The following FAT1 variants were observed in gnomAD, a reference collection of about 807,000 sequenced individuals.
FAT1 encodes FAT atypical cadherin 1.
In FAT1, 171 loss-of-function variants were observed where a neutral mutation model predicts 329.8. That is an observed-to-expected ratio of 0.52 (90% CI 0.46 to 0.59). The LOEUF (loss-of-function observed/expected upper bound fraction) is 0.59, where lower values mean the gene tolerates loss of function less well. FAT1 is among the 20% of genes least tolerant of loss of function. The probability of loss-of-function intolerance (pLI) is 0.00; values close to 1 mark genes in which losing one functional copy is unlikely to be tolerated. For missense variants in FAT1, 5,672 were observed against 5,774.4 expected, an observed-to-expected ratio of 0.98 and a Z score of 0.57; for synonymous variants, 2,233 against 2,228.6, an observed-to-expected ratio of 1.00 and a Z score of -0.06.
rs1301920892 is a variant in FAT1 at position 186,707,027 on chromosome 4, A to C, written c.2801T>G (p.Val934Gly). ...PPTFIPPNYR[V>G]KVREDLPEGT... ...TTCTGGAAGATCCTCTCGGACTTTCACACGATAATTAGGTGGAATAAATGT... is the reference window on the plus strand; with the variant it reads ...TTCTGGAAGATCCTCTCGGACTTTCCCACGATAATTAGGTGGAATAAATGT... The change falls in exon 2 of 27, where the codon GTG becomes GGG. Residue 934 changes from valine (V) to glycine (G), a missense_variant. By Grantham distance (109) the Val-to-Gly change is moderately radical. Coordinates refer to ENST00000441802, the MANE Select transcript of FAT1 (RefSeq NM_005245.4). 6.2e-7 allele frequency: 1 copy of C among 1,613,924 alleles called. No homozygotes were observed. The highest frequency in any genetic ancestry group is 1.1e-5 in the South Asian group (1 of 91,068).
chr4:186,707,048 A>G lies in FAT1; in HGVS notation c.2780T>C (p.Phe927Ser), dbSNP rs2126685137. The change falls in exon 2 of 27, where the codon TTT (phenylalanine) becomes TCT (serine). Residue 927 changes from phenylalanine (F) to serine (S), a missense_variant. Phe to Ser is a radical substitution (Grantham distance 155). Transcript: ENST00000441802. ...TTTCACACGATAATTAGGTGGAATA[A>G]ATGTAGGTGGGTTGTCATTAACATC... is the stretch of plus-strand genomic sequence containing the variant. ...LEDVNDNPPT[F>S]IPPNYRVKVR... The G allele has an allele frequency of 6.2e-7, 1 of 1,613,932 alleles. No homozygotes were observed. The highest frequency in any genetic ancestry group is 8.5e-7 in the Non-Finnish European group (1 of 1,179,882).
chr4:186,647,154 T>C (rs1741422370), intron 3 of FAT1, among the ~76,000 whole-genome samples: 2 of 152,142 alleles, frequency 1.3e-5, no homozygotes. Flanking sequence ...CTCAAAGGCA[T>C]ACAATTTATT....
At position 186,600,201 on chromosome 4, in the gene FAT1, A is replaced by C. The variant is rs746123330; in HGVS notation, c.11800T>G (p.Ser3934Ala). The change falls in exon 22 of 27, where the codon TCG becomes GCG. Residue 3934 changes from serine (S) to alanine (A), a missense_variant. Physicochemically the swap from Ser to Ala is moderately conservative, Grantham distance 99 (BLOSUM62 1). Around this residue, in one of 2 missense-constraint regions of FAT1, gnomAD observed 1,706 missense variants for 1,859.1 expected, o/e 0.92. Coordinates refer to ENST00000441802, the MANE Select transcript of FAT1 (RefSeq NM_005245.4). ...TTCAGAGTCCCTGGGGCTGTGCCCG[A>C]TGCAGTATGAACTTGGTCTAGAACC... is the stretch of plus-strand genomic sequence containing the variant. ...RLVLDQVHTASGTAPGTLKTL... is the reference protein window; with the variant it reads ...RLVLDQVHTAAGTAPGTLKTL... 4 of 1,613,956 alleles carry C rather than the reference A, an allele frequency of 2.5e-6. No homozygotes were observed. Among genetic ancestry groups the C allele is most frequent in the Admixed American group, 3.3e-5 (2 of 60,002 alleles).
In FAT1 at chr4:186,619,119, A is replaced by C; in HGVS notation, c.7467T>G (p.Ser2489Arg). The C allele has an allele frequency of 6.2e-7, 1 of 1,613,998 alleles. No homozygotes were observed. The highest frequency in any genetic ancestry group is 8.5e-7 in the Non-Finnish European group (1 of 1,179,894). ...HVTVIGGNLH[S>R]PAFLQNEYEV... is the part of the protein sequence containing the mutation. The stretch of plus-strand genomic sequence containing the variant: ...CATATTCGTTCTGAAGGAAAGCAGG[A>C]CTGTGCAAATTGCCTCCAATTACAG... Residue 2489 changes from serine (S) to arginine (R), a missense_variant, in exon 10 of 27, where the codon AGT becomes AGG. By Grantham distance (110) the Ser-to-Arg change is moderately radical (BLOSUM62 -1). Coordinates refer to ENST00000441802, the MANE Select transcript of FAT1 (RefSeq NM_005245.4).
intron 23 of FAT1, 38 bp downstream of exon 23, chr4:186,597,934 C>G (rs1485689488): frequency 6.3e-7 from 1 of 1,585,530 alleles, no homozygotes. Context: ...GAATTTTATA[C>G]TACAATTGAT....
chr4:186,609,509 T>C (rs1475556424), intron 15 of FAT1, among the ~76,000 whole-genome samples, 189 bp from the exon 16 acceptor site: 1 of 152,090 alleles, frequency 6.6e-6, no homozygotes, highest in Non-Finnish European at 1.5e-5. Flanking sequence ...CTCCGCCTCC[T>C]GGGTTCACAC....
Position 186,613,283 on chromosome 4 carries a change from C to A in FAT1, c.9289G>T (p.Val3097Phe), listed in dbSNP as rs768112959. 1 of 1,613,948 alleles carries A rather than the reference C, an allele frequency of 6.2e-7. No individual in the cohort carries two copies. Among genetic ancestry groups the A allele is most frequent in the African/African-American group, 1.3e-5 (1 of 75,012 alleles). ...REEQAVYHLL[V>F]RATDGGGRFC... is the part of the protein sequence containing the mutation. ...CTTCCTCCTCCATCTGTGGCCCTGA[C>A]GAGAAGATGATAAACAGCTTGCTCC... The change falls in exon 13 of 27, where the codon GTC (valine) becomes TTC (phenylalanine). Residue 3097 changes from valine (V) to phenylalanine (F), a missense_variant. Val to Phe is a conservative substitution (Grantham distance 50). Transcript: ENST00000441802.
chr4:186,689,593 T>C (rs1045007021), intron 2 of FAT1, among the ~76,000 whole-genome samples: 1 of 152,238 alleles, frequency 6.6e-6, no homozygotes, highest in African/African-American at 2.4e-5. Context: ...GTAATATTTT[T>C]AAAGCCATGC....
intron 24 of FAT1, 25 bp from the exon 25 acceptor site, chr4:186,597,196 A>G: frequency 1.3e-6 from 2 of 1,573,312 alleles, no homozygotes; most frequent in Non-Finnish European, 1.7e-6. Flanking sequence ...AGGAATGAGG[A>G]GAGACCTCTG....
Position 186,596,773 on chromosome 4 carries a change from T to C in FAT1, c.12767A>G (p.Tyr4256Cys), listed in dbSNP as rs2126389747. 1.2e-6 allele frequency: 2 copies of C among 1,613,958 alleles called. No homozygotes were observed. Among genetic ancestry groups the C allele is most frequent in the Non-Finnish European group, 1.7e-6 (2 of 1,179,878 alleles). ...PPQVPVRPIS[Y>C]TPSIPSDSRN... ...TGAGTCACTTGGAATACTCGGGGTG[T>C]AGGAAATAGGCCGGACAGGCACCTG... Residue 4256 changes from tyrosine to cysteine, a missense_variant, in exon 25 of 27, where the codon TAC (tyrosine) becomes TGC (cysteine). Tyr to Cys is a radical substitution (Grantham distance 194). This residue lies in a region of FAT1 where 1,706 missense variants were observed against 1,859.1 expected (regional missense o/e 0.92). Coordinates refer to ENST00000441802, the MANE Select transcript of FAT1 (RefSeq NM_005245.4). This position sits in a 1 kb window ranked among gnomAD's most constrained non-coding sequence, Gnocchi z 4.7.
intron 8 of FAT1, 62 bp from the exon 9 acceptor site, chr4:186,628,426 A>G: frequency 6.2e-7 from 1 of 1,609,884 alleles, no homozygotes; most frequent in Non-Finnish European, 8.5e-7. Context: ...ATTAAAAATC[A>G]CGCTCGAACA....
chr4:186,619,250 T>C lies in FAT1; in HGVS notation c.7336A>G (p.Ile2446Val), dbSNP rs1739899849. The change falls in exon 10 of 27, where the codon ATT (isoleucine) becomes GTT (valine). Residue 2446 changes from isoleucine to valine, a missense_variant. Physicochemically the swap from Ile to Val is conservative, Grantham distance 29. Coordinates refer to ENST00000441802, the MANE Select transcript of FAT1 (RefSeq NM_005245.4). ...CGGTGCAGGTTTGAGAGGGTGATAATCCCTGTTGCACTGTCAATGACAAAA... is the reference window on the plus strand; with the variant it reads ...CGGTGCAGGTTTGAGAGGGTGATAACCCCTGTTGCACTGTCAATGACAAAA... ...KHFVIDSATG[I>V]ITLSNLHRHA... The C allele has an allele frequency of 6.2e-7, 1 of 1,613,852 alleles. No homozygotes were observed. Among genetic ancestry groups the C allele is most frequent in the Admixed American group, 1.7e-5 (1 of 59,996 alleles).
chr4:186,665,754 C>G (rs959180705), intron 2 of FAT1, among the ~76,000 whole-genome samples: 1 of 151,972 alleles, frequency 6.6e-6, no homozygotes, highest in Non-Finnish European at 1.5e-5. Context: ...TATTGCGGCA[C>G]TATTCACAAT....
At chr4:186,597,906 G>A (rs569242636) in intron 23 of FAT1, 66 bp downstream of exon 23, 3 of 1,569,422 alleles carry the variant, frequency 1.9e-6, no homozygotes, top group Admixed American at 1.8e-5. Context: ...CTTTTTACAT[G>A]TACCATTATA....
chr4:186,639,355 A>G (rs775702929), intron 4 of FAT1, among the ~76,000 whole-genome samples: 4 of 152,218 alleles, frequency 2.6e-5, no homozygotes, highest in Non-Finnish European at 4.4e-5. Context: ...TCTCAAAAAC[A>G]TAATAGTAAG....
rs1229325174 is a variant in FAT1 at position 186,596,067 on chromosome 4, C to G, written c.13001-241G>C. Among the ~76,000 whole-genome samples, 1 of 152,066 alleles carries G rather than the reference C, an allele frequency of 6.6e-6. No individual in the cohort carries two copies. The highest frequency in any genetic ancestry group is 2.4e-5 in the African/African-American group (1 of 41,402). ...AGAGTAGAAATCGCCCATAAGCATG[C>G]CTATGGGTATCATTAGACAGTAAAG... On this transcript the variant is annotated intron_variant, in intron 25 of 26. Transcript: ENST00000441802. The surrounding 1 kb of genome is among the most constrained non-coding windows in gnomAD (Gnocchi z 4.7).
In FAT1 at chr4:186,636,788, G is replaced by A. The variant is rs750116344; in HGVS notation, c.3769C>T (p.Arg1257Trp). ...TTTCTTTCTCGGTCTGGCTTTTCCC[G>A]CTCAGGGAGTCTGATTTTGTAGAAC... Reference protein sequence around the residue: ...QKFYKIRLPEREKPDRERNAR... With the variant: ...QKFYKIRLPEWEKPDRERNAR... Residue 1257 changes from arginine to tryptophan, a missense_variant, in exon 5 of 27, where the codon CGG becomes TGG. Physicochemically the swap from Arg to Trp is moderately radical, Grantham distance 101. This residue lies in a region of FAT1 where 3,966 missense variants were observed against 3,915.2 expected (regional missense o/e 1.01). Coordinates refer to ENST00000441802, the MANE Select transcript of FAT1 (RefSeq NM_005245.4). 36 of 1,613,816 alleles carry A rather than the reference G, an allele frequency of 2.2e-5. No homozygotes were observed. Among genetic ancestry groups the A allele is most frequent in the South Asian group, 4.4e-5 (4 of 91,080 alleles).
intron 9 of FAT1, among the ~76,000 whole-genome samples, chr4:186,623,855 G>T (rs1740165939): frequency 6.6e-6 from 1 of 152,198 alleles, no homozygotes; most frequent in African/African-American, 2.4e-5. Flanking sequence ...GGCCATGCAA[G>T]ATTCAGAAAC....
chr4:186,662,924 C>T lies in FAT1; in HGVS notation c.3580+375G>A, dbSNP rs868642604. 4.6e-4 allele frequency among the ~76,000 whole-genome samples: 70 copies of T among 152,116 alleles called. 1 individual carries two copies. Among genetic ancestry groups the T allele is most frequent in the Middle Eastern group, 6.8e-3 (2 of 294 alleles). On this transcript the variant is annotated intron_variant, in intron 3 of 26. Coordinates refer to ENST00000441802, the MANE Select transcript of FAT1 (RefSeq NM_005245.4). ...CCATCTCGGCTCACTGCAAGCTCCG[C>T]CCCCCGGGTTCACGCCATTCTCCTG... is the stretch of plus-strand genomic sequence containing the variant.
Sources: gnomAD v4.1 joint callset for allele counts (sites outside exome capture counted in the v4.1 genomes callset) on GRCh38, gnomAD v4.1.1 for gene constraint, gnomAD v4.1.1 regional missense constraint, Gnocchi (gnomAD v3.1) non-coding constraint, MANE v1.5 for transcripts, NCBI Gene and HGNC (gene_info 2026-07-23, HGNC 2026-07-21) for gene names.